The following ABLIM2 variants were observed in gnomAD, a reference collection of about 807,000 sequenced individuals.
ABLIM2 encodes the protein actin binding LIM protein family member 2, also known as actin-binding LIM protein 2.
In ABLIM2, 53 loss-of-function variants were observed where a neutral mutation model predicts 97.7. That is an observed-to-expected ratio of 0.54 (90% CI 0.44 to 0.68). ABLIM2 has a LOEUF of 0.68. ABLIM2 is among the 30% of genes least tolerant of loss of function. ABLIM2 has a pLI of 0.00. For synonymous variants in ABLIM2, 361 were observed against 345.8 expected, an observed-to-expected ratio of 1.04 and a Z score of -0.49; for missense variants, 835 against 867.2, an observed-to-expected ratio of 0.96 and a Z score of 0.47.
At chr4:8,156,852 C>T (rs1053102851) in intron 1 of ABLIM2, among the ~76,000 whole-genome samples, 1 of 152,246 alleles carries the variant, frequency 6.6e-6, no homozygotes, top group African/African-American at 2.4e-5. Context: ...TGCTCTCCCC[C>T]ACTGTGTGGG....
At chr4:8,063,838 T>A (rs1358295857) in intron 6 of ABLIM2, among the ~76,000 whole-genome samples, 3 of 152,264 alleles carry the variant, frequency 2.0e-5, no homozygotes, top group Non-Finnish European at 4.4e-5. Context: ...TTGCCTTTGC[T>A]GTGCCCCAAC....
At position 8,083,804 on chromosome 4, in the gene ABLIM2, A is replaced by G. The variant is rs1234128431; in HGVS notation, c.455-3002T>C. ...ATGTCAGCTGGCCACGTGCCCGTAC[A>G]TCCTGGTTGGCACTGCCATCAGCAG... On this transcript the variant is annotated intron_variant, in intron 4 of 20. Coordinates refer to ENST00000447017, the MANE Select transcript of ABLIM2 (RefSeq NM_001130083.2). This position sits in a 1 kb window ranked among gnomAD's most constrained non-coding sequence, Gnocchi z 4.6. Among the ~76,000 whole-genome samples, 1 of 152,170 alleles carries G rather than the reference A, an allele frequency of 6.6e-6. No individual in the cohort carries two copies. The highest frequency in any genetic ancestry group is 1.5e-5 in the Non-Finnish European group (1 of 68,030).
In ABLIM2 at chr4:8,095,115, T is replaced by C. The variant is rs909501192; in HGVS notation, c.338+1984A>G. ...CTTTCTTTCTCTTTCCTTTTCTTTCTTTTCTTTCTACAGGGTCTTGCTCTG... is the reference window on the plus strand; with the variant it reads ...CTTTCTTTCTCTTTCCTTTTCTTTCCTTTCTTTCTACAGGGTCTTGCTCTG... On this transcript the variant is annotated intron_variant, in intron 3 of 20. Coordinates refer to ENST00000447017, the MANE Select transcript of ABLIM2 (RefSeq NM_001130083.2). The surrounding 1 kb of genome is among the most constrained non-coding windows in gnomAD (Gnocchi z 4.7). Among the ~76,000 whole-genome samples, 6 of 151,842 alleles carry C rather than the reference T, an allele frequency of 4.0e-5. No homozygotes were observed. The highest frequency in any genetic ancestry group is 8.8e-5 in the Non-Finnish European group (6 of 67,962).
Position 8,132,110 on chromosome 4 carries a change from C to T in ABLIM2, c.11-25473G>A, listed in dbSNP as rs1002562694. ...CCCTCCGTGGGGTGTGGTGTACTAGCGGGATGGCTCAAGTGGCACAGGAAC... is the reference window on the plus strand; with the variant it reads ...CCCTCCGTGGGGTGTGGTGTACTAGTGGGATGGCTCAAGTGGCACAGGAAC... On this transcript the variant is annotated intron_variant, in intron 1 of 20. Coordinates refer to ENST00000447017, the MANE Select transcript of ABLIM2 (RefSeq NM_001130083.2). This position sits in a 1 kb window ranked among gnomAD's most constrained non-coding sequence, Gnocchi z 8.0. Among the ~76,000 whole-genome samples the T allele has an allele frequency of 4.0e-5, 6 of 150,764 alleles. No individual in the cohort carries two copies. Among genetic ancestry groups the T allele is most frequent in the African/African-American group, 9.9e-5 (4 of 40,224 alleles).
At chr4:8,018,263 A>G (rs556222474) in intron 14 of ABLIM2, among the ~76,000 whole-genome samples, 1 of 152,304 alleles carries the variant, frequency 6.6e-6, no homozygotes, top group Admixed American at 6.5e-5. Context: ...GTCAATCCCA[A>G]TCTTGTAGCC....
rs397947626 is a variant in ABLIM2 at position 8,039,874 on chromosome 4, G to GTTTTTTTTT, written c.901-3588_901-3580dup. Among the ~76,000 whole-genome samples the GTTTTTTTTT allele has an allele frequency of 2.5e-4, 27 of 108,618 alleles. 1 individual carries two copies. Among genetic ancestry groups the GTTTTTTTTT allele is most frequent in the South Asian group, 9.6e-4 (3 of 3,116 alleles). The allele number at this position is 108,618 out of a possible 152,430, so 71.3% of individuals were successfully genotyped here. A position where few individuals can be genotyped will look rare whatever the true frequency, so the allele number is the denominator to read the frequency against. On this transcript the variant is annotated intron_variant, in intron 9 of 20. Coordinates refer to ENST00000447017, the MANE Select transcript of ABLIM2 (RefSeq NM_001130083.2). ...AATTTCCTCTGGTGTGCTGATTACT[G>GTTTTTTTTT]TTTTTTTTTTTTTTTTTTTTTTAAT... is the stretch of plus-strand genomic sequence containing the variant.
chr4:8,028,664 T>G (rs554306649), intron 11 of ABLIM2, among the ~76,000 whole-genome samples: 12 of 152,192 alleles, frequency 7.9e-5, no homozygotes, highest in African/African-American at 2.9e-4. Context: ...CCCATTCACT[T>G]GTTCACTCAC....
chr4:8,039,180 G>A (rs368509398), intron 9 of ABLIM2, among the ~76,000 whole-genome samples: 2 of 152,196 alleles, frequency 1.3e-5, no homozygotes, highest in South Asian at 4.1e-4. Context: ...TTGAACAAAA[G>A]CCAATCAAGC....
At chr4:8,027,125 C>G (rs937035318) in intron 12 of ABLIM2, among the ~76,000 whole-genome samples, 1 of 152,148 alleles carries the variant, frequency 6.6e-6, no homozygotes, top group African/African-American at 2.4e-5. Flanking sequence ...TTAAAGGCCC[C>G]CTCTACAGAT....
Position 7,967,041 on chromosome 4 carries a change from G to T in ABLIM2, c.1887C>A (p.Arg629=). The T allele has an allele frequency of 6.2e-7, 1 of 1,613,936 alleles. No individual in the cohort carries two copies. Among genetic ancestry groups the T allele is most frequent in the South Asian group, 1.1e-5 (1 of 91,082 alleles). ...GGTCATTCCTCTTCCAGAGGGCCAG[G>T]CGGTCAAACTCCTCGATGCTCATCC... ...VFGMSIEEFD[R]LALWKRNDLK... Residue 629 remains arginine, a synonymous_variant, in exon 21 of 21, where the codon CGC becomes CGA. Coordinates refer to ENST00000447017, the MANE Select transcript of ABLIM2 (RefSeq NM_001130083.2).
chr4:7,980,558 T>TA (rs929372039), intron 20 of ABLIM2, among the ~76,000 whole-genome samples: 7 of 151,652 alleles, frequency 4.6e-5, no homozygotes, highest in African/African-American at 1.5e-4. Flanking sequence ...CTACTAAAAA[T>TA]AAAAAAATTA....
In ABLIM2 at chr4:7,999,048, C is replaced by A. The variant is rs567156509; in HGVS notation, c.1619-6121G>T. On this transcript the variant is annotated intron_variant, in intron 16 of 20. Transcript: ENST00000447017. This position sits in a 1 kb window ranked among gnomAD's most constrained non-coding sequence, Gnocchi z 4.4. ...TCCCAGGGATGCTGTGCACAACCAG[C>A]GCTGAGAATCACTGGTTTATTTATT... is the stretch of plus-strand genomic sequence containing the variant. 6.6e-6 allele frequency among the ~76,000 whole-genome samples: 1 copy of A among 152,178 alleles called. No individual in the cohort carries two copies. The highest frequency in any genetic ancestry group is 1.5e-5 in the Non-Finnish European group (1 of 68,036).
intron 1 of ABLIM2, among the ~76,000 whole-genome samples, chr4:8,121,578 G>A (rs1845477236): frequency 6.6e-6 from 1 of 152,190 alleles, no homozygotes; most frequent in South Asian, 2.1e-4. Flanking sequence ...AGGTCACGCA[G>A]CAAGTCTGTG....
At chr4:7,987,039 G>A (rs1744793148) in intron 17 of ABLIM2, among the ~76,000 whole-genome samples, 1 of 150,038 alleles carries the variant, frequency 6.7e-6, no homozygotes, top group Non-Finnish European at 1.5e-5. Flanking sequence ...CTGGAGTGCA[G>A]TGGCACGATC....
At chr4:7,978,192 C>T (rs1018866009) in intron 20 of ABLIM2, among the ~76,000 whole-genome samples, 3 of 152,164 alleles carry the variant, frequency 2.0e-5, no homozygotes, top group African/African-American at 7.2e-5. Flanking sequence ...CTCTGGCTCA[C>T]GTCCCACTCT....
At chr4:8,117,221 G>A (rs999349042) in intron 1 of ABLIM2, among the ~76,000 whole-genome samples, 5 of 152,200 alleles carry the variant, frequency 3.3e-5, no homozygotes, top group African/African-American at 1.2e-4. Flanking sequence ...GCTTATTGAG[G>A]TTTAGTGACC....
At chr4:8,020,684 C>T (rs1773011476) in intron 12 of ABLIM2, 1 of 282,890 alleles carries the variant, frequency 3.5e-6, no homozygotes, top group Non-Finnish European at 6.8e-6. Flanking sequence ...CCTAATTATC[C>T]TTGTATATAA....
intron 9 of ABLIM2, among the ~76,000 whole-genome samples, chr4:8,039,875 T>G (rs898409837): frequency 2.8e-4 from 13 of 47,260 alleles, no homozygotes; most frequent in African/African-American, 2.0e-3. Flanking sequence ...CTGATTACTG[T>G]TTTTTTTTTT....
Position 8,008,978 on chromosome 4 carries a change from G to A in ABLIM2, c.1476+72C>T, listed in dbSNP as rs1276489327. ...AAGAGGAAGATTCGAAGTCTCAATC[G>A]GAGAAGCCCTCACAAAAGCAATTTC... On this transcript the variant is annotated intron_variant, in intron 15 of 20. Transcript: ENST00000447017. 1.6e-5 allele frequency: 24 copies of A among 1,547,788 alleles called. No individual in the cohort carries two copies. The East Asian group carries it at 2.2e-4, about 14-fold the overall frequency.
Sources: gnomAD v4.1 joint callset for allele counts (sites outside exome capture counted in the v4.1 genomes callset) on GRCh38, gnomAD v4.1.1 for gene constraint, Gnocchi (gnomAD v3.1) non-coding constraint, MANE v1.5 for transcripts, NCBI Gene and HGNC (gene_info 2026-07-23, HGNC 2026-07-21) for gene names.